PPP2R5E: variants seen among roughly 807,000 people sequenced by gnomAD.
PPP2R5E encodes serine/threonine-protein phosphatase 2A 56 kDa regulatory subunit epsilon isoform.
Under a neutral mutation model 65.3 loss-of-function variants are expected in PPP2R5E, and 4 were observed. The observed-to-expected ratio is 0.06, with a 90% CI of 0.03 to 0.14. The LOEUF (loss-of-function observed/expected upper bound fraction) is 0.14, where lower values mean the gene tolerates loss of function less well. PPP2R5E is among the 10% of genes least tolerant of loss of function. The probability of loss-of-function intolerance (pLI) is 1.00; values close to 1 mark genes in which losing one functional copy is unlikely to be tolerated. For missense variants in PPP2R5E, 274 were observed against 556.1 expected (o/e 0.49, Z 5.10); for synonymous variants, 183 against 187.4 (o/e 0.98, Z 0.19).
In PPP2R5E at chr14:63,374,646, T is replaced by TACA. The variant is rs1883883150; in HGVS notation, c.*1362_*1363insTGT. 4.8e-5 allele frequency: 5 copies of TACA among 104,826 alleles called. No homozygotes were observed. Among genetic ancestry groups the TACA allele is most frequent in the African/African-American group, 2.5e-4 (5 of 19,938 alleles). 6.5% of individuals were successfully genotyped at this position (104,826 alleles called of 1,614,324 possible). ...AGAGAGCCAATAAGATATATATATA[T>TACA]ATATATATATATATATATATATAAA... is the stretch of plus-strand genomic sequence containing the variant. On this transcript the variant is annotated 3_prime_UTR_variant, in exon 14 of 14. Coordinates refer to ENST00000337537, the MANE Select transcript of PPP2R5E (RefSeq NM_006246.5).
At chr14:63,412,661 A>C (rs1192094035) in intron 5 of PPP2R5E, among the ~76,000 whole-genome samples, 2 of 152,214 alleles carry the variant, frequency 1.3e-5, no homozygotes, top group Admixed American at 6.5e-5. Context: ...CATTCTGTAC[A>C]AGATTTTAGT....
At chr14:63,519,998 C>A (rs1892830482) in intron 2 of PPP2R5E, among the ~76,000 whole-genome samples, 2 of 150,906 alleles carry the variant, frequency 1.3e-5, no homozygotes, top group African/African-American at 4.9e-5. Flanking sequence ...GAGGATTTGG[C>A]CCCAGAAAAC....
In PPP2R5E at chr14:63,449,979, G is replaced by A. The variant is rs181013972; in HGVS notation, c.354+3710C>T. On this transcript the variant is annotated intron_variant, in intron 3 of 13. Transcript: ENST00000337537. ...CAACCTCCACCACCCAGGTTCAAGC[G>A]ATTCTCTTGCCTCAGCCTCCCAAGT... Among the ~76,000 whole-genome samples, 362 of 148,564 alleles carry A rather than the reference G, an allele frequency of 2.4e-3. 4 individuals carry two copies. The highest frequency in any genetic ancestry group is 8.8e-3 in the African/African-American group (351 of 39,930).
intron 2 of PPP2R5E, among the ~76,000 whole-genome samples, chr14:63,534,395 G>C (rs1266446318): frequency 6.6e-6 from 1 of 152,008 alleles, no homozygotes; most frequent in Non-Finnish European, 1.5e-5. Flanking sequence ...CTCCTGAGTA[G>C]CTGGGATTAT....
chr14:63,418,918 C>T (rs1196303985), intron 4 of PPP2R5E, among the ~76,000 whole-genome samples: 1 of 140,894 alleles, frequency 7.1e-6, no homozygotes, highest in African/African-American at 2.7e-5. Context: ...GCAATCTTGG[C>T]TCACTGCAGC....
At chr14:63,448,708 A>G (rs1278031704) in intron 3 of PPP2R5E, among the ~76,000 whole-genome samples, 1 of 151,474 alleles carries the variant, frequency 6.6e-6, no homozygotes, top group Non-Finnish European at 1.5e-5. Context: ...AGAATTGCTT[A>G]AACCCCGGAG....
chr14:63,450,445 T>C (rs982552747), intron 3 of PPP2R5E, among the ~76,000 whole-genome samples: 1 of 151,922 alleles, frequency 6.6e-6, no homozygotes, highest in Non-Finnish European at 1.5e-5. Context: ...GGCTGGAGAA[T>C]GGGGAGGAAA....
chr14:63,469,464 G>A (rs1317957778), intron 2 of PPP2R5E, among the ~76,000 whole-genome samples: 4 of 152,138 alleles, frequency 2.6e-5, no homozygotes, highest in Admixed American at 6.5e-5. Context: ...AGGCCGAGGC[G>A]GGCTGATCAC....
chr14:63,456,602 A>C (rs1889140844), intron 2 of PPP2R5E, among the ~76,000 whole-genome samples: 1 of 152,230 alleles, frequency 6.6e-6, no homozygotes, highest in Admixed American at 6.5e-5. Context: ...TAACTTAACA[A>C]ATGAGTAAAC....
chr14:63,439,756 C>G (rs1443542934), intron 3 of PPP2R5E, among the ~76,000 whole-genome samples: 1 of 152,168 alleles, frequency 6.6e-6, no homozygotes, highest in Non-Finnish European at 1.5e-5. Context: ...TAAGTGCTTC[C>G]AAGGATTAGG....
At chr14:63,539,744 CA>C in intron 1 of PPP2R5E, 52 bp from the exon 2 acceptor site, 1 of 1,506,848 alleles carries the variant, frequency 6.6e-7, no homozygotes, top group Non-Finnish European at 9.1e-7. Flanking sequence ...TGGAAGCATA[CA>C]TGTGAGTTAT....
At chr14:63,389,320 C>T (rs1266027699) in intron 11 of PPP2R5E, among the ~76,000 whole-genome samples, 3 of 151,948 alleles carry the variant, frequency 2.0e-5, no homozygotes, top group Non-Finnish European at 4.4e-5. Flanking sequence ...ATCTGAAATA[C>T]TTTTGACCAC....
chr14:63,415,105 A>G, intron 5 of PPP2R5E, 35 bp downstream of exon 5: 1 of 1,449,992 alleles, frequency 6.9e-7, no homozygotes, highest in Non-Finnish European at 9.7e-7. Flanking sequence ...TGTTAACTGG[A>G]TGACAAATAC....
At chr14:63,519,562 CA>C (rs1892804419) in intron 2 of PPP2R5E, among the ~76,000 whole-genome samples, 1 of 147,596 alleles carries the variant, frequency 6.8e-6, no homozygotes, top group African/African-American at 2.6e-5. Context: ...CCGTGTTGGC[CA>C]GGGGGGTCTC....
At chr14:63,509,028 T>G (rs896003852) in intron 2 of PPP2R5E, among the ~76,000 whole-genome samples, 9 of 152,214 alleles carry the variant, frequency 5.9e-5, no homozygotes, top group African/African-American at 1.9e-4. Flanking sequence ...ATCAGTAACT[T>G]TTTCAAATCA....
intron 4 of PPP2R5E, among the ~76,000 whole-genome samples, chr14:63,416,590 A>G (rs750906265): frequency 6.6e-6 from 1 of 152,084 alleles, no homozygotes. Flanking sequence ...TTTTGTTTAT[A>G]TGAGATATAT....
intron 4 of PPP2R5E, among the ~76,000 whole-genome samples, chr14:63,418,675 C>T (rs1193096018): frequency 6.6e-6 from 1 of 151,640 alleles, no homozygotes; most frequent in Non-Finnish European, 1.5e-5. Context: ...TGAAGACACA[C>T]CTAATTTCAG....
chr14:63,383,224 A>C (rs1884470386), intron 12 of PPP2R5E, among the ~76,000 whole-genome samples: 1 of 152,192 alleles, frequency 6.6e-6, no homozygotes, highest in Non-Finnish European at 1.5e-5. Context: ...CCTTTTGCAA[A>C]AATATCCGTT....
intron 2 of PPP2R5E, among the ~76,000 whole-genome samples, chr14:63,465,151 T>C (rs1000598181): frequency 6.6e-6 from 1 of 152,114 alleles, no homozygotes; most frequent in Non-Finnish European, 1.5e-5. Context: ...ATCATTCGTT[T>C]GACAAATATT....
Sources: gnomAD v4.1 joint callset for allele counts (sites outside exome capture counted in the v4.1 genomes callset) on GRCh38, gnomAD v4.1.1 for gene constraint, MANE v1.5 for transcripts, NCBI Gene and HGNC (gene_info 2026-07-23, HGNC 2026-07-21) for gene names.